Variants in NCKAP1 observed in about 807,000 individuals in gnomAD.
NCKAP1 encodes the protein nck-associated protein 1.
NCKAP1 carries 21 observed loss-of-function variants against 151.2 expected under a neutral mutation model. The ratio of observed to expected loss-of-function variants is 0.14; its 90% confidence interval spans 0.10 to 0.20. NCKAP1 has a LOEUF of 0.20. NCKAP1 is among the 10% of genes least tolerant of loss of function. The pLI, the probability that NCKAP1 is intolerant of heterozygous loss-of-function variation, is 1.00. For synonymous variants in NCKAP1, 484 were observed against 451.8 expected, an observed-to-expected ratio of 1.07 and a Z score of -0.90; for missense variants, 933 against 1,352.1, an observed-to-expected ratio of 0.69 and a Z score of 4.86.
chr2:182,932,722 T>C (rs1696791362), intron 26 of NCKAP1, among the ~76,000 whole-genome samples: 1 of 152,114 alleles, frequency 6.6e-6, no homozygotes, highest in South Asian at 2.1e-4. Flanking sequence ...AACATGATTA[T>C]GTCAGGTGAA....
chr2:182,974,482 A>C (rs944854023), intron 15 of NCKAP1, among the ~76,000 whole-genome samples: 1 of 152,166 alleles, frequency 6.6e-6, no homozygotes, highest in Non-Finnish European at 1.5e-5. Flanking sequence ...ATGGGACCTA[A>C]TCAAATATAA....
intron 15 of NCKAP1, among the ~76,000 whole-genome samples, chr2:182,971,123 G>C (rs1229203516): frequency 6.6e-6 from 1 of 152,018 alleles, no homozygotes; most frequent in East Asian, 1.9e-4. Flanking sequence ...GGCCGGGCGC[G>C]GTGGCTCACG....
chr2:183,019,533 T>G lies in NCKAP1; in HGVS notation c.219+4273A>C, dbSNP rs529415320. ...TAACAGATTCCCCTCCAGGTACCCT[T>G]AAGAAACCTACGAGAAACAAATTTC... On this transcript the variant is annotated intron_variant, in intron 2 of 30. Transcript: ENST00000361354. Among the ~76,000 whole-genome samples, 4 of 152,294 alleles carry G rather than the reference T, an allele frequency of 2.6e-5. No homozygotes were observed. In the East Asian group the frequency reaches 7.7e-4, roughly 29 times the overall value.
chr2:183,030,663 T>C (rs932566798), intron 1 of NCKAP1, among the ~76,000 whole-genome samples: 3 of 151,986 alleles, frequency 2.0e-5, no homozygotes. Context: ...ATTGAAGGAA[T>C]AAAGGGACAA....
At chr2:183,002,552 C>T (rs547805165) in intron 4 of NCKAP1, among the ~76,000 whole-genome samples, 1 of 152,094 alleles carries the variant, frequency 6.6e-6, no homozygotes, top group South Asian at 2.1e-4. Context: ...TAATAAGGAA[C>T]ACTGGTGCCA....
intron 24 of NCKAP1, among the ~76,000 whole-genome samples, chr2:182,939,559 A>C (rs1418070430): frequency 6.6e-6 from 1 of 151,994 alleles, no homozygotes; most frequent in Admixed American, 6.6e-5. Flanking sequence ...AGATAAAATA[A>C]AATAAAAATA....
intron 2 of NCKAP1, among the ~76,000 whole-genome samples, chr2:183,021,346 T>C (rs779937736): frequency 1.3e-5 from 2 of 152,184 alleles, no homozygotes; most frequent in Non-Finnish European, 2.9e-5. Context: ...ACAGCTGTAA[T>C]CTCAGCACTT....
chr2:183,005,568 T>C (rs907247360), intron 2 of NCKAP1, among the ~76,000 whole-genome samples: 1 of 152,126 alleles, frequency 6.6e-6, no homozygotes, highest in African/African-American at 2.4e-5. Context: ...TACAATCTCA[T>C]AGGCTACATT....
intron 2 of NCKAP1, among the ~76,000 whole-genome samples, chr2:183,019,374 A>G (rs1330256644): frequency 6.6e-6 from 1 of 152,068 alleles, no homozygotes; most frequent in Non-Finnish European, 1.5e-5. Context: ...AAAATATTGG[A>G]AAAAAAATTA....
intron 8 of NCKAP1, 122 bp downstream of exon 8, chr2:182,994,717 G>C: frequency 2.7e-6 from 2 of 732,522 alleles, no homozygotes; most frequent in South Asian, 3.6e-5. Flanking sequence ...GACTGAAAGA[G>C]GTAATGGACA....
At chr2:182,952,078 T>C (rs1214487337) in intron 23 of NCKAP1, among the ~76,000 whole-genome samples, 1 of 152,162 alleles carries the variant, frequency 6.6e-6, no homozygotes, top group African/African-American at 2.4e-5. Flanking sequence ...ATTGTTAACT[T>C]TGGCTGGAAT....
rs1696617490 is a variant in NCKAP1 at position 182,925,207 on chromosome 2, T to C, written c.*495A>G. 6.6e-6 allele frequency: 1 copy of C among 152,174 alleles called. No homozygotes were observed. Among genetic ancestry groups the C allele is most frequent in the East Asian group, 1.9e-4 (1 of 5,202 alleles). The allele number at this position is 152,174 out of a possible 1,614,324, so 9.4% of individuals were successfully genotyped here. A position where few individuals can be genotyped will look rare whatever the true frequency, so the allele number is the denominator to read the frequency against. On this transcript the variant is annotated 3_prime_UTR_variant, in exon 31 of 31. Coordinates refer to ENST00000361354, the MANE Select transcript of NCKAP1 (RefSeq NM_013436.5). ...TGTTATACAGTGTTACAGTATTTAG[T>C]TTGGCAAATGTTTCAAAATAAAGTA...
chr2:182,985,952 T>C (rs1320043768), intron 10 of NCKAP1, among the ~76,000 whole-genome samples: 1 of 152,188 alleles, frequency 6.6e-6, no homozygotes, highest in Non-Finnish European at 1.5e-5. Context: ...TACTTCCTTA[T>C]AGCATTTTAT....
chr2:182,983,862 G>A (rs113912364), intron 10 of NCKAP1, among the ~76,000 whole-genome samples: 64 of 151,920 alleles, frequency 4.2e-4, no homozygotes, highest in Non-Finnish European at 7.1e-4. Context: ...ACAAAACTCC[G>A]TCTCTACTAA....
chr2:182,982,965 G>C, intron 11 of NCKAP1, 38 bp from the exon 12 acceptor site: 1 of 1,446,864 alleles, frequency 6.9e-7, no homozygotes, highest in Non-Finnish European at 9.4e-7. Context: ...CTTATTCAAA[G>C]ATTAAAAACA....
At chr2:183,036,633 C>T (rs1179660498) in intron 1 of NCKAP1, among the ~76,000 whole-genome samples, 1 of 152,104 alleles carries the variant, frequency 6.6e-6, no homozygotes, top group East Asian at 1.9e-4. Flanking sequence ...AAGCATGTTG[C>T]AGTTACTCTC....
At chr2:183,035,414 A>G (rs1188476097) in intron 1 of NCKAP1, among the ~76,000 whole-genome samples, 1 of 152,158 alleles carries the variant, frequency 6.6e-6, no homozygotes, top group Non-Finnish European at 1.5e-5. Flanking sequence ...TATCATTTCC[A>G]CTGTATACTT....
intron 14 of NCKAP1, among the ~76,000 whole-genome samples, chr2:182,977,916 A>G (rs1327978521): frequency 6.6e-6 from 1 of 152,214 alleles, no homozygotes; most frequent in Non-Finnish European, 1.5e-5. Context: ...AGACAGTGAA[A>G]CAATTCTCAA....
At chr2:183,032,663 T>G (rs1047729554) in intron 1 of NCKAP1, among the ~76,000 whole-genome samples, 1 of 152,264 alleles carries the variant, frequency 6.6e-6, no homozygotes, top group African/African-American at 2.4e-5. Context: ...AATATCATTA[T>G]GCAGAATGAC....
Sources: gnomAD v4.1 joint callset for allele counts (sites outside exome capture counted in the v4.1 genomes callset) on GRCh38, gnomAD v4.1.1 for gene constraint, MANE v1.5 for transcripts, NCBI Gene and HGNC (gene_info 2026-07-23, HGNC 2026-07-21) for gene names.